APP: variants seen among roughly 807,000 people sequenced by gnomAD.
APP encodes amyloid beta precursor protein, also known as amyloid-beta precursor protein.
In APP, 31 loss-of-function variants were observed where a neutral mutation model predicts 101.4. The ratio of observed to expected loss-of-function variants is 0.31; its 90% CI spans 0.23 to 0.41. The LOEUF (loss-of-function observed/expected upper bound fraction) is 0.41, where lower values mean the gene tolerates loss of function less well. Ranked by LOEUF, APP falls within the 10% of genes least tolerant of loss-of-function variation. The pLI, the probability that APP is intolerant of heterozygous loss-of-function variation, is 1.00. For missense variants in APP, 839 were observed against 1,003.7 expected, an observed-to-expected ratio of 0.84 and a Z score of 2.22; for synonymous variants, 366 against 364.4, an observed-to-expected ratio of 1.00 and a Z score of -0.05.
intron 6 of APP, among the ~76,000 whole-genome samples, chr21:26,019,638 T>G (rs1318520288): frequency 6.7e-6 from 1 of 150,352 alleles, no homozygotes; most frequent in Non-Finnish European, 1.5e-5. Context: ...ACCAAGCAGG[T>G]GCTCAAAATC....
At chr21:26,137,424 T>C (rs2062945225) in intron 1 of APP, among the ~76,000 whole-genome samples, 2 of 152,230 alleles carry the variant, frequency 1.3e-5, no homozygotes, top group Admixed American at 6.5e-5. Context: ...TAAAAACCCA[T>C]ACCCTTTACT....
chr21:25,979,325 T>C (rs948056166), intron 9 of APP, among the ~76,000 whole-genome samples: 3 of 152,232 alleles, frequency 2.0e-5, no homozygotes, highest in African/African-American at 4.8e-5. Context: ...AGTGGCTCTA[T>C]GGATTCTTAT....
At chr21:25,974,168 A>G (rs1454343705) in intron 11 of APP, among the ~76,000 whole-genome samples, 1 of 152,102 alleles carries the variant, frequency 6.6e-6, no homozygotes, top group East Asian at 1.9e-4. Context: ...GAATATGGCC[A>G]CTGCTCTGAG....
chr21:26,039,932 A>G (rs2045296414), intron 5 of APP, among the ~76,000 whole-genome samples: 1 of 152,204 alleles, frequency 6.6e-6, no homozygotes, highest in Non-Finnish European at 1.5e-5. Flanking sequence ...GAGCTACTGT[A>G]TTTACAGATT....
chr21:26,076,097 T>C (rs1233321818), intron 3 of APP, among the ~76,000 whole-genome samples: 2 of 152,160 alleles, frequency 1.3e-5, no homozygotes, highest in Non-Finnish European at 1.5e-5. Flanking sequence ...TTTCACTATG[T>C]TGGCCAGGCT....
rs2061900988 is a variant in APP, at chr21:26,094,635, GATATAA to G, written c.226-4569_226-4564del. 2.7e-5 allele frequency among the ~76,000 whole-genome samples: 4 copies of G among 149,202 alleles called. No homozygotes were observed. The South Asian group carries it at 6.3e-4, about 24-fold the overall frequency. On this transcript the variant is annotated intron_variant, in intron 2 of 17. Coordinates refer to ENST00000346798, the MANE Select transcript of APP (RefSeq NM_000484.4). ...TAAATATAGTTCATTTATATTTAAA[GATATAA>G]ATATAAATATAGTTCAACATTTTAG...
intron 8 of APP, among the ~76,000 whole-genome samples, chr21:25,995,861 G>A (rs998186669): frequency 4.0e-5 from 6 of 151,672 alleles, no homozygotes; most frequent in African/African-American, 1.5e-4. Flanking sequence ...TTAGGATGCA[G>A]TCTTTTTTAA....
intron 11 of APP, among the ~76,000 whole-genome samples, chr21:25,958,558 T>TTA (rs146925613): frequency 1.3e-4 from 20 of 152,298 alleles, no homozygotes; most frequent in African/African-American, 4.8e-4. Context: ...ATTACAGGCG[T>TTA]GCGACCAGTG....
chr21:25,894,988 C>T (rs2037936340), intron 16 of APP, among the ~76,000 whole-genome samples: 1 of 152,138 alleles, frequency 6.6e-6, no homozygotes, highest in South Asian at 2.1e-4. Flanking sequence ...TAGCCTGCAG[C>T]AGTGAACATC....
At chr21:26,151,711 C>T (rs953112179) in intron 1 of APP, among the ~76,000 whole-genome samples, 6 of 152,070 alleles carry the variant, frequency 3.9e-5, no homozygotes, top group Admixed American at 1.3e-4. Context: ...ATAGGGTTTG[C>T]GCTCCTATGA....
At chr21:26,077,075 A>AAAAG (rs1221141936) in intron 3 of APP, among the ~76,000 whole-genome samples, 5 of 151,712 alleles carry the variant, frequency 3.3e-5, no homozygotes, top group Admixed American at 2.0e-4. Context: ...AAAAAAAAAA[A>AAAAG]AAAGAAAGAA....
At chr21:26,042,750 A>C (rs1361995250) in intron 5 of APP, among the ~76,000 whole-genome samples, 1 of 152,132 alleles carries the variant, frequency 6.6e-6, no homozygotes, top group Non-Finnish European at 1.5e-5. Flanking sequence ...AAAAAAAATA[A>C]ATAAATCAAA....
chr21:26,037,565 G>A (rs1381091704), intron 5 of APP, among the ~76,000 whole-genome samples: 1 of 152,190 alleles, frequency 6.6e-6, no homozygotes, highest in Non-Finnish European at 1.5e-5. Flanking sequence ...ACACCAATGA[G>A]TTATATCTGA....
At chr21:25,896,751 T>C (rs2146260049) in intron 16 of APP, among the ~76,000 whole-genome samples, 1 of 152,262 alleles carries the variant, frequency 6.6e-6, no homozygotes, top group East Asian at 1.9e-4. Context: ...GCTGTCTTCT[T>C]TGCACAAACC....
At chr21:26,090,291 C>G (rs181129199) in intron 2 of APP, among the ~76,000 whole-genome samples, 33 of 152,284 alleles carry the variant, frequency 2.2e-4, no homozygotes, top group African/African-American at 7.2e-4. Context: ...GTCCAAAATC[C>G]AAAATACTCC....
intron 2 of APP, among the ~76,000 whole-genome samples, chr21:26,109,572 A>T (rs1389544869): frequency 6.6e-6 from 1 of 152,202 alleles, no homozygotes; most frequent in Non-Finnish European, 1.5e-5. Context: ...TAAATTACCC[A>T]GTCTCAGGTA....
At chr21:26,029,187 G>A (rs541843309) in intron 5 of APP, among the ~76,000 whole-genome samples, 1 of 152,214 alleles carries the variant, frequency 6.6e-6, no homozygotes, top group Admixed American at 6.5e-5. Context: ...TACCCAGTAC[G>A]GTTACATTTC....
At chr21:25,947,362 G>A (rs1165776703) in intron 13 of APP, among the ~76,000 whole-genome samples, 1 of 152,198 alleles carries the variant, frequency 6.6e-6, no homozygotes, top group East Asian at 1.9e-4. Flanking sequence ...TCTGCAGACA[G>A]ACCAGTTGGG....
At chr21:25,930,586 TTA>T (rs34986093) in intron 13 of APP, among the ~76,000 whole-genome samples, 18 of 150,046 alleles carry the variant, frequency 1.2e-4, no homozygotes, top group East Asian at 3.9e-4. Flanking sequence ...ATAGCACAAA[TTA>T]TATATATATA....
Sources: gnomAD v4.1 joint callset for allele counts (sites outside exome capture counted in the v4.1 genomes callset) on GRCh38, gnomAD v4.1.1 for gene constraint, MANE v1.5 for transcripts, NCBI Gene and HGNC (gene_info 2026-07-23, HGNC 2026-07-21) for gene names.